GNAL: variants seen among roughly 807,000 people sequenced by gnomAD.
GNAL encodes guanine nucleotide-binding protein G(olf) subunit alpha.
In GNAL, 18 loss-of-function variants were observed where a neutral mutation model predicts 55.1. That is an observed-to-expected ratio of 0.33 (90% CI 0.23 to 0.48). The LOEUF (loss-of-function observed/expected upper bound fraction) is 0.48, where lower values mean the gene tolerates loss of function less well. Among genes scored for constraint, GNAL ranks in the 20% least tolerant of loss-of-function variants. The pLI is 0.99. For synonymous variants in GNAL, 253 were observed against 237.0 expected, an observed-to-expected ratio of 1.07 and a Z score of -0.62; for missense variants, 412 against 614.1, an observed-to-expected ratio of 0.67 and a Z score of 3.48.
intron 4 of GNAL, among the ~76,000 whole-genome samples, chr18:11,795,217 T>C (rs1270759297): frequency 2.6e-5 from 4 of 151,938 alleles, no homozygotes; most frequent in Admixed American, 2.6e-4. Context: ...CTGGCCAACA[T>C]GGCAAAACCC....
chr18:11,754,405 A>G (rs568488750), intron 4 of GNAL, among the ~76,000 whole-genome samples: 5 of 151,604 alleles, frequency 3.3e-5, no homozygotes, highest in Non-Finnish European at 5.9e-5. Flanking sequence ...CGACAGAGCG[A>G]GACTCCCATC....
At chr18:11,793,911 G>GAAAAAAA (rs76942749) in intron 4 of GNAL, among the ~76,000 whole-genome samples, 1 of 106,398 alleles carries the variant, frequency 9.4e-6, no homozygotes. Flanking sequence ...TCCATCTCGG[G>GAAAAAAA]AAAAAAAAAA....
intron 4 of GNAL, among the ~76,000 whole-genome samples, chr18:11,775,422 T>C (rs2033754305): frequency 6.6e-6 from 1 of 152,246 alleles, no homozygotes; most frequent in Non-Finnish European, 1.5e-5. Context: ...TCCACACACA[T>C]GCACGCCCCC....
rs199891656 is a variant in GNAL, at chr18:11,752,938, A to C, written c.449+13A>C. 85 of 1,542,196 alleles carry C rather than the reference A, an allele frequency of 5.5e-5. No individual in the cohort carries two copies. In the African/African-American group the frequency reaches 1.1e-3, roughly 20 times the overall value. The stretch of plus-strand genomic sequence containing the variant: ...GGTTTAATCCCGAGTAAGAATGTTC[A>C]GTTTGCTTCCAAACTGCATGCAAAC... On this transcript the variant is annotated intron_variant, in intron 2 of 11. Coordinates refer to ENST00000334049, the MANE Select transcript of GNAL (RefSeq NM_182978.4). The surrounding 1 kb of genome is among the most constrained non-coding windows in gnomAD (Gnocchi z 4.5).
intron 11 of GNAL, among the ~76,000 whole-genome samples, chr18:11,879,768 A>G (rs1291692070): frequency 1.3e-5 from 2 of 152,196 alleles, no homozygotes; most frequent in Admixed American, 6.5e-5. Flanking sequence ...GGTCCCCACA[A>G]ACCATGATTC....
chr18:11,786,289 C>T (rs1429147029), intron 4 of GNAL, among the ~76,000 whole-genome samples: 2 of 151,678 alleles, frequency 1.3e-5, no homozygotes, highest in Non-Finnish European at 2.9e-5. Flanking sequence ...AGTAGAAACC[C>T]GGTTTATTTT....
intron 4 of GNAL, among the ~76,000 whole-genome samples, chr18:11,758,516 C>T (rs949270273): frequency 2.6e-5 from 4 of 152,110 alleles, no homozygotes; most frequent in African/African-American, 9.7e-5. Flanking sequence ...CACAGCAAAC[C>T]GGCAGGATAT....
intron 11 of GNAL, among the ~76,000 whole-genome samples, chr18:11,880,392 C>G (rs928137558): frequency 6.6e-6 from 1 of 150,744 alleles, no homozygotes. Flanking sequence ...AACATGGTGA[C>G]ACCCCGTCTC....
At chr18:11,779,370 G>C (rs2033868608) in intron 4 of GNAL, among the ~76,000 whole-genome samples, 2 of 152,188 alleles carry the variant, frequency 1.3e-5, no homozygotes, top group African/African-American at 4.8e-5. Flanking sequence ...ATGTGGTAAT[G>C]CAGATTGTGA....
intron 1 of GNAL, chr18:11,701,964 T>C (rs2031583658): frequency 6.6e-6 from 1 of 152,168 alleles, no homozygotes. Context: ...TTATCCTTTT[T>C]TTACCCAAGA....
chr18:11,759,615 G>A (rs2033172845), intron 4 of GNAL, among the ~76,000 whole-genome samples: 1 of 152,234 alleles, frequency 6.6e-6, no homozygotes, highest in African/African-American at 2.4e-5. Flanking sequence ...AGTGGCCTGG[G>A]CCAAGGCCCC....
intron 1 of GNAL, among the ~76,000 whole-genome samples, chr18:11,742,214 T>C (rs1431108878): frequency 6.6e-6 from 1 of 152,246 alleles, no homozygotes; most frequent in Non-Finnish European, 1.5e-5. Context: ...AGTGAGTCTT[T>C]GTTGACCGTA....
At chr18:11,811,914 A>G (rs1043386881) in intron 4 of GNAL, among the ~76,000 whole-genome samples, 5 of 152,232 alleles carry the variant, frequency 3.3e-5, no homozygotes, top group Non-Finnish European at 4.4e-5. Flanking sequence ...AGCAAAGACT[A>G]AAGTCGTGAT....
rs137984530 is a variant in GNAL, at chr18:11,698,218, C to T, written c.376+8279C>T. Among the ~76,000 whole-genome samples, 96 of 152,182 alleles carry T rather than the reference C, an allele frequency of 6.3e-4. 1 individual carries two copies. Among genetic ancestry groups the T allele is most frequent in the African/African-American group, 2.0e-3 (81 of 41,508 alleles). On this transcript the variant is annotated intron_variant, in intron 1 of 11. Transcript: ENST00000334049. ...AGGGATAAAGAGGGCTGAGGCTGGG[C>T]GCGGTGGCTCATGCCTGTAATTCCA...
At chr18:11,796,589 AAAAAAAC>A (rs1347338729) in intron 4 of GNAL, among the ~76,000 whole-genome samples, 2 of 147,032 alleles carry the variant, frequency 1.4e-5, no homozygotes, top group African/African-American at 5.2e-5. Context: ...AAAAAAAAAA[AAAAAAAC>A]AAAACACGCA....
chr18:11,737,276 A>G (rs921792988), intron 1 of GNAL, among the ~76,000 whole-genome samples: 1 of 152,212 alleles, frequency 6.6e-6, no homozygotes, highest in Admixed American at 6.5e-5. Flanking sequence ...TGCATGTTTT[A>G]ATCATCTTTG....
At chr18:11,739,532 G>A (rs1408413510) in intron 1 of GNAL, among the ~76,000 whole-genome samples, 2 of 152,078 alleles carry the variant, frequency 1.3e-5, no homozygotes, top group African/African-American at 2.4e-5. Flanking sequence ...TTCATCGGTC[G>A]GCCCCTCTAT....
intron 4 of GNAL, among the ~76,000 whole-genome samples, chr18:11,809,550 T>A (rs558415012): frequency 5.0e-4 from 76 of 152,228 alleles, no homozygotes; most frequent in Middle Eastern, 3.4e-3. Flanking sequence ...CTGGCCAACA[T>A]GGCAAAACCC....
intron 1 of GNAL, among the ~76,000 whole-genome samples, chr18:11,722,152 G>A (rs1386070573): frequency 2.6e-5 from 4 of 152,172 alleles, no homozygotes; most frequent in Admixed American, 2.6e-4. Context: ...CCAAACAACT[G>A]TTCTTACCAA....
Sources: allele counts gnomAD v4.1 joint callset (sites outside exome capture counted in the v4.1 genomes callset), GRCh38; gene constraint gnomAD v4.1.1; non-coding constraint Gnocchi (gnomAD v3.1); transcripts MANE v1.5; gene names NCBI Gene and HGNC (gene_info 2026-07-23, HGNC 2026-07-21).